Variants in PTPRD observed in about 807,000 individuals in gnomAD.
PTPRD encodes the protein receptor-type tyrosine-protein phosphatase delta.
A neutral mutation model predicts 214.5 loss-of-function variants in PTPRD; 34 were observed. The ratio of observed to expected loss-of-function variants is 0.16; its 90% CI spans 0.12 to 0.21. The LOEUF is 0.21. Among genes scored for constraint, PTPRD ranks in the 10% least tolerant of loss-of-function variants. The pLI is 1.00. For missense variants in PTPRD, 2,545 were observed against 2,398.7 expected, an observed-to-expected ratio of 1.06 and a Z score of -1.27; for synonymous variants, 1,128 against 845.7, an observed-to-expected ratio of 1.33 and a Z score of -5.79.
chr9:9,565,358 T>G (rs1164237835), intron 8 of PTPRD, among the ~76,000 whole-genome samples: 2 of 151,826 alleles, frequency 1.3e-5, no homozygotes, highest in Non-Finnish European at 2.9e-5. Context: ...TTCTGATGAG[T>G]GAAATGTTTA....
At chr9:9,958,304 T>C (rs1304973458) in intron 4 of PTPRD, among the ~76,000 whole-genome samples, 7 of 152,024 alleles carry the variant, frequency 4.6e-5, no homozygotes, top group South Asian at 4.1e-4. Context: ...CTGAGGTGGG[T>C]GGATCACCTG....
intron 6 of PTPRD, among the ~76,000 whole-genome samples, chr9:9,744,861 C>G (rs1003125749): frequency 2.6e-5 from 4 of 151,752 alleles, no homozygotes; most frequent in Non-Finnish European, 5.9e-5. Flanking sequence ...TTAATAATAC[C>G]AACAATTTTA....
chr9:8,757,245 G>C (rs1337290153), intron 11 of PTPRD, among the ~76,000 whole-genome samples: 1 of 152,114 alleles, frequency 6.6e-6, no homozygotes, highest in Non-Finnish European at 1.5e-5. Flanking sequence ...CAAGGACAAT[G>C]CCTCTAATAA....
intron 14 of PTPRD, among the ~76,000 whole-genome samples, chr9:8,540,109 C>T (rs1343118208): frequency 2.6e-5 from 4 of 152,032 alleles, no homozygotes; most frequent in Non-Finnish European, 4.4e-5. Flanking sequence ...GTTCTTTGTA[C>T]TGTAGTTTCT....
intron 8 of PTPRD, among the ~76,000 whole-genome samples, chr9:9,473,816 C>CTTT (rs71319224): frequency 3.5e-5 from 5 of 143,840 alleles, no homozygotes; most frequent in African/African-American, 7.6e-5. Context: ...GTTTTAAAAT[C>CTTT]TTTTTTTTTT....
chr9:9,715,522 G>A (rs1038698516), intron 7 of PTPRD, among the ~76,000 whole-genome samples: 1 of 152,028 alleles, frequency 6.6e-6, no homozygotes, highest in African/African-American at 2.4e-5. Flanking sequence ...AAGATGGACA[G>A]TTTTACTTGA....
At chr9:9,773,299 A>T (rs2098768550) in intron 5 of PTPRD, among the ~76,000 whole-genome samples, 1 of 152,150 alleles carries the variant, frequency 6.6e-6, no homozygotes, top group Non-Finnish European at 1.5e-5. Context: ...AGGGTTTTTC[A>T]GCACAGTTCT....
intron 14 of PTPRD, among the ~76,000 whole-genome samples, chr9:8,537,897 T>A (rs1254737003): frequency 6.6e-6 from 1 of 151,996 alleles, no homozygotes; most frequent in Non-Finnish European, 1.5e-5. Flanking sequence ...TAGCTCCAAG[T>A]TTACATTGCA....
chr9:10,366,746 A>G (rs2097524154), intron 2 of PTPRD, among the ~76,000 whole-genome samples: 1 of 152,186 alleles, frequency 6.6e-6, no homozygotes. Flanking sequence ...TATCTTGTTC[A>G]TATTTATTGC....
intron 5 of PTPRD, among the ~76,000 whole-genome samples, chr9:9,802,222 A>AAAT (rs35837975): frequency 0.1 from 15,376 of 151,874 alleles, 1,869 homozygotes; most frequent in East Asian, 0.61. Context: ...CCTGAAATGC[A>AAAT]AATGTAATGG....
intron 9 of PTPRD, among the ~76,000 whole-genome samples, chr9:9,338,682 T>C (rs1023987142): frequency 2.0e-5 from 3 of 152,146 alleles, no homozygotes; most frequent in African/African-American, 4.8e-5. Context: ...TTTCAAAACT[T>C]CCTTTTTTCC....
At chr9:8,980,941 TG>T (rs2099309615) in intron 11 of PTPRD, among the ~76,000 whole-genome samples, 1 of 152,062 alleles carries the variant, frequency 6.6e-6, no homozygotes, top group East Asian at 1.9e-4. Flanking sequence ...ATGAAGATAA[TG>T]GGTATAAAAC....
intron 2 of PTPRD, among the ~76,000 whole-genome samples, chr9:10,419,629 A>G (rs539033101): frequency 1.7e-4 from 26 of 151,802 alleles, no homozygotes; most frequent in Non-Finnish European, 3.7e-4. Context: ...AGCTTTCAAT[A>G]GCTTTCTTAA....
chr9:9,934,027 C>A (rs1249945031), intron 5 of PTPRD, among the ~76,000 whole-genome samples: 1 of 148,106 alleles, frequency 6.8e-6, no homozygotes, highest in Admixed American at 6.7e-5. Flanking sequence ...TCTTTGAAAC[C>A]AACGAGAACA....
At chr9:10,462,663 G>C (rs1359931920) in intron 2 of PTPRD, among the ~76,000 whole-genome samples, 1 of 151,634 alleles carries the variant, frequency 6.6e-6, no homozygotes, top group Admixed American at 6.6e-5. Flanking sequence ...TGAACAGTGA[G>C]AGTGAGCTAG....
At chr9:8,500,725 T>G (rs188911321) in intron 24 of PTPRD, 29 bp downstream of exon 24, 1 of 1,608,736 alleles carries the variant, frequency 6.2e-7, no homozygotes, top group Non-Finnish European at 8.5e-7. Flanking sequence ...GTCAGAAGGG[T>G]GCAAACTGAC....
intron 2 of PTPRD, among the ~76,000 whole-genome samples, chr9:10,548,928 A>C (rs1254045782): frequency 6.6e-6 from 1 of 152,228 alleles, no homozygotes. Flanking sequence ...AACTGTGAAC[A>C]CATAACCATT....
chr9:9,019,591 A>T (rs2099555115), intron 10 of PTPRD, among the ~76,000 whole-genome samples: 1 of 152,146 alleles, frequency 6.6e-6, no homozygotes, highest in Non-Finnish European at 1.5e-5. Flanking sequence ...CTGTAATCCC[A>T]GCTACTCAGG....
chr9:9,939,859 A>G (rs1037331898), intron 4 of PTPRD, among the ~76,000 whole-genome samples: 12 of 152,194 alleles, frequency 7.9e-5, no homozygotes, highest in African/African-American at 2.9e-4. Context: ...TTAAGAGCAA[A>G]TATCATTCTC....
Sources: allele counts gnomAD v4.1 joint callset (sites outside exome capture counted in the v4.1 genomes callset), GRCh38; gene constraint gnomAD v4.1.1; transcripts MANE v1.5; gene names NCBI Gene and HGNC (gene_info 2026-07-23, HGNC 2026-07-21).